SLC4A10: variants seen among roughly 807,000 people sequenced by gnomAD.
SLC4A10 encodes the protein solute carrier family 4 member 10.
SLC4A10 carries 42 observed loss-of-function variants against 137.7 expected under a neutral mutation model. The ratio of observed to expected loss-of-function variants is 0.30; its 90% CI spans 0.24 to 0.39. The LOEUF is 0.39. Among genes scored for constraint, SLC4A10 ranks in the 10% least tolerant of loss-of-function variants. The pLI, the probability that SLC4A10 is intolerant of heterozygous loss-of-function variation, is 1.00. For missense variants in SLC4A10, 925 were observed against 1,355.0 expected (o/e 0.68, Z 4.98); for synonymous variants, 474 against 464.1 (o/e 1.02, Z -0.27).
At chr2:161,725,039 T>C (rs2046071326) in intron 1 of SLC4A10, among the ~76,000 whole-genome samples, 1 of 152,206 alleles carries the variant, frequency 6.6e-6, no homozygotes, top group South Asian at 2.1e-4. Flanking sequence ...TACTGCTTAC[T>C]AAATTTTTTG....
At chr2:161,964,910 T>A in intron 22 of SLC4A10, 141 bp from the exon 23 acceptor site, 2 of 562,364 alleles carry the variant, frequency 3.6e-6, no homozygotes, top group South Asian at 4.1e-5. Flanking sequence ...GACTAGACAA[T>A]GTTTTATACA....
chr2:161,846,461 T>C (rs2059503035), intron 4 of SLC4A10, among the ~76,000 whole-genome samples: 1 of 152,298 alleles, frequency 6.6e-6, no homozygotes, highest in Non-Finnish European at 1.5e-5. Flanking sequence ...GATCCAGCAA[T>C]TGGACTCTTG....
intron 4 of SLC4A10, among the ~76,000 whole-genome samples, chr2:161,846,135 A>G (rs540964813): frequency 6.6e-6 from 1 of 152,280 alleles, no homozygotes; most frequent in South Asian, 2.1e-4. Context: ...CAGTATGAAA[A>G]TAAATCAACT....
intron 1 of SLC4A10, among the ~76,000 whole-genome samples, chr2:161,750,259 C>T (rs2048829266): frequency 1.3e-5 from 2 of 149,652 alleles, no homozygotes; most frequent in South Asian, 4.3e-4. Context: ...TTGTTTGTCT[C>T]ATCTTTATTA....
At chr2:161,963,909 G>T (rs1697149523) in intron 21 of SLC4A10, among the ~76,000 whole-genome samples, 1 of 152,122 alleles carries the variant, frequency 6.6e-6, no homozygotes, top group Non-Finnish European at 1.5e-5. Flanking sequence ...CTTCTAAATT[G>T]TAACCCGTCT....
At chr2:161,887,748 G>C (rs1400689040) in intron 10 of SLC4A10, among the ~76,000 whole-genome samples, 1 of 152,162 alleles carries the variant, frequency 6.6e-6, no homozygotes, top group African/African-American at 2.4e-5. Context: ...CTCCCATTCT[G>C]TAGGTTGCTT....
At position 161,873,904 on chromosome 2, in the gene SLC4A10, T is replaced by G; in HGVS notation, c.859-12T>G. 6.3e-7 allele frequency: 1 copy of G among 1,589,082 alleles called. No homozygotes were observed. The highest frequency in any genetic ancestry group is 8.5e-7 in the Non-Finnish European group (1 of 1,175,422). On this transcript the variant is annotated splice_polypyrimidine_tract_variant and intron_variant, in intron 7 of 26. Coordinates refer to ENST00000446997, the MANE Select transcript of SLC4A10 (RefSeq NM_001178015.2). ...TGGTGTACCAGCTTAAGTCTGTTAA[T>G]TATGCGTGCAGGGACTGGGAGGCCA... is the stretch of plus-strand genomic sequence containing the variant.
intron 4 of SLC4A10, among the ~76,000 whole-genome samples, chr2:161,852,642 T>G (rs2059894748): frequency 1.3e-5 from 2 of 152,214 alleles, no homozygotes; most frequent in Admixed American, 1.3e-4. Flanking sequence ...AAATTAAATG[T>G]TAAATCAGTT....
intron 1 of SLC4A10, among the ~76,000 whole-genome samples, chr2:161,725,377 T>C (rs1475623762): frequency 6.6e-6 from 1 of 152,216 alleles, no homozygotes; most frequent in Non-Finnish European, 1.5e-5. Flanking sequence ...AGATAATGTA[T>C]GCAAAGTTTT....
intron 1 of SLC4A10, among the ~76,000 whole-genome samples, chr2:161,769,116 AT>A (rs779859886): frequency 6.6e-6 from 1 of 151,814 alleles, no homozygotes; most frequent in Admixed American, 6.6e-5. Context: ...AGTATAGCCC[AT>A]TTTTTTGGTT....
intron 3 of SLC4A10, among the ~76,000 whole-genome samples, chr2:161,838,342 C>T (rs2058949582): frequency 6.6e-6 from 1 of 151,462 alleles, no homozygotes; most frequent in South Asian, 2.1e-4. Context: ...CAAAATGGAC[C>T]ATAGCTTCAA....
Position 161,976,602 on chromosome 2 carries a change from G to A in SLC4A10, c.3228-158G>A, listed in dbSNP as rs1252191474. ...AACTGTACTTTTAAAAATAGTTAAGGTAGTAAATTTTATGTTATGTGTATT... is the reference window on the plus strand; with the variant it reads ...AACTGTACTTTTAAAAATAGTTAAGATAGTAAATTTTATGTTATGTGTATT... On this transcript the variant is annotated intron_variant, in intron 24 of 26. Coordinates refer to ENST00000446997, the MANE Select transcript of SLC4A10 (RefSeq NM_001178015.2). Among the ~76,000 whole-genome samples the A allele has an allele frequency of 2.0e-5, 3 of 152,166 alleles. No individual in the cohort carries two copies. In the East Asian group the frequency reaches 5.8e-4, roughly 29 times the overall value.
intron 1 of SLC4A10, among the ~76,000 whole-genome samples, chr2:161,754,422 G>A (rs2049355340): frequency 1.3e-5 from 2 of 152,120 alleles, no homozygotes. Flanking sequence ...GGCTGCTAGG[G>A]TAAAGGACTT....
intron 3 of SLC4A10, among the ~76,000 whole-genome samples, chr2:161,828,905 T>A (rs2058232098): frequency 6.7e-6 from 1 of 148,764 alleles, no homozygotes; most frequent in Admixed American, 6.7e-5. Context: ...AGATATTTTC[T>A]TGCATTATTC....
chr2:161,907,083 A>G (rs1018427365), intron 15 of SLC4A10, among the ~76,000 whole-genome samples: 4 of 149,824 alleles, frequency 2.7e-5, no homozygotes, highest in African/African-American at 7.3e-5. Flanking sequence ...AAAAAAAAAG[A>G]ATCACGAAAT....
intron 10 of SLC4A10, among the ~76,000 whole-genome samples, chr2:161,889,827 T>C (rs1226282139): frequency 6.6e-6 from 1 of 152,174 alleles, no homozygotes; most frequent in Non-Finnish European, 1.5e-5. Flanking sequence ...TCTCTTCTGC[T>C]AGCTTTTGAA....
intron 15 of SLC4A10, among the ~76,000 whole-genome samples, chr2:161,923,071 G>C (rs1688432357): frequency 6.6e-6 from 1 of 152,160 alleles, no homozygotes; most frequent in Non-Finnish European, 1.5e-5. Context: ...ACAGCCGCAG[G>C]CTCTTCTTGT....
At position 161,927,273 on chromosome 2, in the gene SLC4A10, T is replaced by G. The variant is rs565638759; in HGVS notation, c.1998-15519T>G. Among the ~76,000 whole-genome samples the G allele has an allele frequency of 2.0e-5, 3 of 152,312 alleles. No homozygotes were observed. The East Asian group carries it at 5.8e-4, about 29-fold the overall frequency. ...TTGTTTGTTTCTTTTTATTCTTTTT[T>G]CTCTAAACTTTCCTTCTCACTTCAT... On this transcript the variant is annotated intron_variant, in intron 15 of 26. Coordinates refer to ENST00000446997, the MANE Select transcript of SLC4A10 (RefSeq NM_001178015.2).
chr2:161,875,217 G>A (rs1183779420), intron 8 of SLC4A10, among the ~76,000 whole-genome samples: 2 of 152,150 alleles, frequency 1.3e-5, no homozygotes, highest in African/African-American at 4.8e-5. Context: ...ACAAATTTTA[G>A]TGCCAGATTT....
Sources: gnomAD v4.1 joint callset for allele counts (sites outside exome capture counted in the v4.1 genomes callset) on GRCh38, gnomAD v4.1.1 for gene constraint, MANE v1.5 for transcripts, NCBI Gene and HGNC (gene_info 2026-07-23, HGNC 2026-07-21) for gene names.